ASTN2: variants seen among roughly 807,000 people sequenced by gnomAD.
ASTN2 encodes astrotactin-2.
ASTN2 carries 54 observed loss-of-function variants against 139.8 expected under a neutral mutation model. The observed-to-expected ratio is 0.39, with a 90% confidence interval of 0.31 to 0.48. The LOEUF is 0.48. Among genes scored for constraint, ASTN2 ranks in the 20% least tolerant of loss-of-function variants. ASTN2 has a pLI of 0.95. For missense variants in ASTN2, 1,565 were observed against 1,725.1 expected (o/e 0.91, Z 1.64); for synonymous variants, 756 against 719.5 (o/e 1.05, Z -0.81).
At chr9:116,612,268 T>C (rs1259404393) in intron 19 of ASTN2, 2 of 152,060 alleles carry the variant, frequency 1.3e-5, no homozygotes, top group Non-Finnish European at 2.9e-5. Flanking sequence ...CACACAATAA[T>C]AATGGGAGAC....
At chr9:117,228,841 C>G (rs1261281070) in intron 2 of ASTN2, among the ~76,000 whole-genome samples, 5 of 151,970 alleles carry the variant, frequency 3.3e-5, no homozygotes. Flanking sequence ...ATGGCAAAAC[C>G]CCATCTCTAC....
chr9:116,822,602 C>T (rs903264661), intron 11 of ASTN2, among the ~76,000 whole-genome samples: 21 of 152,270 alleles, frequency 1.4e-4, no homozygotes, highest in African/African-American at 4.3e-4. Context: ...CAGGAGACAC[C>T]TGGGCAGGGT....
chr9:116,880,751 C>G (rs1447341530), intron 10 of ASTN2, among the ~76,000 whole-genome samples: 1 of 152,078 alleles, frequency 6.6e-6, no homozygotes, highest in Admixed American at 6.6e-5. Context: ...TCCATGGCTG[C>G]CATAGGTGCC....
At chr9:117,326,379 C>A (rs1180061218) in intron 1 of ASTN2, among the ~76,000 whole-genome samples, 1 of 152,086 alleles carries the variant, frequency 6.6e-6, no homozygotes, top group African/African-American at 2.4e-5. Context: ...CAAGCTTTAG[C>A]TCCTTACTCT....
chr9:117,171,431 G>A (rs1830790604), intron 3 of ASTN2, among the ~76,000 whole-genome samples: 1 of 152,116 alleles, frequency 6.6e-6, no homozygotes, highest in Non-Finnish European at 1.5e-5. Context: ...TCAAAGCACT[G>A]GTGTTAATGT....
chr9:116,669,489 G>GA (rs1377754840), intron 16 of ASTN2, among the ~76,000 whole-genome samples: 4 of 152,194 alleles, frequency 2.6e-5, no homozygotes, highest in African/African-American at 9.6e-5. Context: ...CAATGAACAA[G>GA]AATTCCTGTG....
intron 2 of ASTN2, among the ~76,000 whole-genome samples, chr9:117,233,268 A>G (rs986136025): frequency 3.9e-5 from 6 of 152,212 alleles, no homozygotes; most frequent in Non-Finnish European, 7.3e-5. Context: ...GAAATCAAAC[A>G]AAATTGCTGG....
At chr9:116,611,735 T>C (rs1370155598) in intron 19 of ASTN2, 1 of 152,150 alleles carries the variant, frequency 6.6e-6, no homozygotes, top group African/African-American at 2.4e-5. Context: ...AATCTATATC[T>C]ATTAAATAAC....
chr9:116,462,770 G>GGTAA, intron 20 of ASTN2, among the ~76,000 whole-genome samples: 1 of 146,168 alleles, frequency 6.8e-6, no homozygotes, highest in South Asian at 2.2e-4. Flanking sequence ...GCTCTTTAAG[G>GGTAA]GTAAGTGTTG....
chr9:117,107,625 G>A (rs746623158), intron 4 of ASTN2, among the ~76,000 whole-genome samples: 12 of 152,118 alleles, frequency 7.9e-5, no homozygotes, highest in Admixed American at 3.3e-4. Context: ...ATTCAGGTGT[G>A]ATCTGACCCG....
intron 11 of ASTN2, among the ~76,000 whole-genome samples, chr9:116,853,735 T>G (rs146742836): frequency 6.6e-6 from 1 of 152,334 alleles, no homozygotes; most frequent in East Asian, 1.9e-4. Context: ...GAGCACCAGA[T>G]GCTCTATTGC....
chr9:116,791,027 GAAAGAAAGAAAGAAAGA>G (rs1830537369), intron 13 of ASTN2, among the ~76,000 whole-genome samples: 1 of 123,886 alleles, frequency 8.1e-6, no homozygotes, highest in African/African-American at 3.0e-5. Flanking sequence ...AAGAAAGAAA[GAAAGAAAGAAAGAAAGA>G]AAAGAAAAGA....
At chr9:117,145,291 A>T (rs1337186369) in intron 3 of ASTN2, among the ~76,000 whole-genome samples, 2 of 152,122 alleles carry the variant, frequency 1.3e-5, no homozygotes, top group Non-Finnish European at 2.9e-5. Context: ...GGCTGAGAAC[A>T]TGAGCTTCTG....
chr9:116,772,801 C>T lies in ASTN2; in HGVS notation c.2396+32831G>A, dbSNP rs548488257. ...CTCATCTTGGCTGCAGTCATCAGGA[C>T]CTGATTCCAGTCAAAGGAAATATAT... On this transcript the variant is annotated intron_variant, in intron 13 of 22. Transcript: ENST00000313400. Among the ~76,000 whole-genome samples, 38 of 151,992 alleles carry T rather than the reference C, an allele frequency of 2.5e-4. No homozygotes were observed. The South Asian group carries it at 7.3e-3, about 29-fold the overall frequency.
At chr9:116,949,185 G>A (rs1309734927) in intron 10 of ASTN2, among the ~76,000 whole-genome samples, 2 of 152,030 alleles carry the variant, frequency 1.3e-5, no homozygotes, top group South Asian at 2.1e-4. Context: ...GAGATCCAAG[G>A]TCAACCAAGT....
chr9:117,021,529 T>C (rs73519305), intron 6 of ASTN2, among the ~76,000 whole-genome samples: 3,716 of 152,268 alleles, frequency 0.024, 133 homozygotes, highest in African/African-American at 0.083. Context: ...TTCAAAAAAC[T>C]AGTCAACTGC....
intron 20 of ASTN2, among the ~76,000 whole-genome samples, chr9:116,451,467 G>A (rs533735872): frequency 3.3e-5 from 5 of 152,170 alleles, no homozygotes; most frequent in African/African-American, 9.6e-5. Context: ...AAAAAAGAGT[G>A]GGGTTTTTGC....
At position 116,795,253 on chromosome 9, in the gene ASTN2, C is replaced by T. The variant is rs1830661265; in HGVS notation, c.2396+10379G>A. On this transcript the variant is annotated intron_variant, in intron 13 of 22. Transcript: ENST00000313400. ...TCGGCTTCCCAAAGTGCTGGGATTA[C>T]AGGCGTGAGCCACTGCACCCGGCCT... Among the ~76,000 whole-genome samples, 3 of 152,220 alleles carry T rather than the reference C, an allele frequency of 2.0e-5. No individual in the cohort carries two copies. In the South Asian group the frequency reaches 6.2e-4, roughly 31 times the overall value.
At chr9:116,587,151 G>A (rs56023289) in intron 19 of ASTN2, among the ~76,000 whole-genome samples, 1 of 151,748 alleles carries the variant, frequency 6.6e-6, no homozygotes. Flanking sequence ...GACTAGCCTG[G>A]CCAACATGGT....
Sources: allele counts gnomAD v4.1 joint callset (sites outside exome capture counted in the v4.1 genomes callset), GRCh38; gene constraint gnomAD v4.1.1; transcripts MANE v1.5; gene names NCBI Gene and HGNC (gene_info 2026-07-23, HGNC 2026-07-21).